The following EMP2 variants were observed in gnomAD, a reference collection of about 807,000 sequenced individuals.
EMP2 encodes epithelial membrane protein 2.
In EMP2, 19 loss-of-function variants were observed where a neutral mutation model predicts 13.7. The ratio of observed to expected loss-of-function variants is 1.38; its 90% CI spans 0.97 to 2.03. The LOEUF (loss-of-function observed/expected upper bound fraction) is 2.03, where lower values mean the gene tolerates loss of function less well. Among genes scored for constraint, EMP2 ranks in the 30% most tolerant of loss-of-function variants. The pLI is 0.00. For missense variants in EMP2, 253 were observed against 220.7 expected, an observed-to-expected ratio of 1.15 and a Z score of -0.93; for synonymous variants, 97 against 84.7, an observed-to-expected ratio of 1.15 and a Z score of -0.80.
At position 10,533,244 on chromosome 16, in the gene EMP2, C is replaced by T. The variant is rs1596366635; in HGVS notation, c.317-152G>A. 14 of 775,072 alleles carry T rather than the reference C, an allele frequency of 1.8e-5. No homozygotes were observed. In the East Asian group the frequency reaches 4.0e-4, roughly 22 times the overall value. 48.0% of individuals were successfully genotyped at this position (775,072 alleles called of 1,614,324 possible). A position where few individuals can be genotyped will look rare whatever the true frequency, so the allele number is the denominator to read the frequency against. ...GTAGAGACAAGATTTTGCCATGTCACCCAGGCTGGTCTTGAACTCCTGAGC... is the reference window on the plus strand; with the variant it reads ...GTAGAGACAAGATTTTGCCATGTCATCCAGGCTGGTCTTGAACTCCTGAGC... On this transcript the variant is annotated intron_variant, in intron 4 of 4. Transcript: ENST00000359543.
intron 4 of EMP2, among the ~76,000 whole-genome samples, chr16:10,536,093 T>A (rs1292485722): frequency 6.6e-6 from 1 of 152,152 alleles, no homozygotes; most frequent in Non-Finnish European, 1.5e-5. Context: ...AACACTCTCA[T>A]TCTCCACCTG....
intron 2 of EMP2, chr16:10,547,278 A>T (rs867087803): frequency 7.2e-5 from 29 of 403,510 alleles, no homozygotes; most frequent in Middle Eastern, 7.1e-4. Flanking sequence ...GTCTCACGAG[A>T]TCTGACGGTT....
chr16:10,539,446 A>G (rs1212746767), intron 3 of EMP2, among the ~76,000 whole-genome samples: 3 of 152,118 alleles, frequency 2.0e-5, no homozygotes, highest in Non-Finnish European at 2.9e-5. Flanking sequence ...CGGCTCCCCC[A>G]CTATGACACA....
intron 1 of EMP2, among the ~76,000 whole-genome samples, chr16:10,568,137 G>C (rs1273127431): frequency 1.3e-5 from 2 of 152,188 alleles, no homozygotes; most frequent in East Asian, 3.9e-4. Flanking sequence ...GCAGGAAGTA[G>C]AAGGGCACAC....
rs1038788004 is a variant in EMP2 at position 10,529,166 on chromosome 16, C to T, written c.*3739G>A. The T allele has an allele frequency of 2.0e-5, 3 of 152,168 alleles. No individual in the cohort carries two copies. The highest frequency in any genetic ancestry group is 4.4e-5 in the Non-Finnish European group (3 of 68,034). 9.4% of individuals were successfully genotyped at this position (152,168 alleles called of 1,614,324 possible). ...GCCCCTCAATGAAAGAATTACAGTACTTTATAAAAATGTCATAAAATGCGC... is the reference window on the plus strand; with the variant it reads ...GCCCCTCAATGAAAGAATTACAGTATTTTATAAAAATGTCATAAAATGCGC... On this transcript the variant is annotated 3_prime_UTR_variant, in exon 5 of 5. Coordinates refer to ENST00000359543, the MANE Select transcript of EMP2 (RefSeq NM_001424.6).
chr16:10,549,909 A>G (rs1323970658), intron 1 of EMP2, among the ~76,000 whole-genome samples: 2 of 113,806 alleles, frequency 1.8e-5, no homozygotes, highest in East Asian at 4.6e-4. Context: ...TTTTTGAGAC[A>G]GAGTCTCACT....
intron 3 of EMP2, among the ~76,000 whole-genome samples, chr16:10,541,134 G>A (rs540293056): frequency 3.5e-4 from 53 of 152,070 alleles, no homozygotes; most frequent in African/African-American, 1.3e-3. Flanking sequence ...GAGTGCAGAG[G>A]CTCATGCCTA....
At chr16:10,566,018 G>A (rs2050904814) in intron 1 of EMP2, among the ~76,000 whole-genome samples, 1 of 152,172 alleles carries the variant, frequency 6.6e-6, no homozygotes. Context: ...GTGTGACCAT[G>A]AGAACACACC....
At chr16:10,543,691 G>C in intron 2 of EMP2, 31 bp from the exon 3 acceptor site, 364 of 1,598,692 alleles carry the variant, frequency 2.3e-4, no homozygotes, top group Non-Finnish European at 2.8e-4. Flanking sequence ...AGAGAGAAAG[G>C]CCGTCCGTTC....
chr16:10,550,598 C>G (rs1451380772), intron 1 of EMP2, among the ~76,000 whole-genome samples: 2 of 152,142 alleles, frequency 1.3e-5, no homozygotes, highest in African/African-American at 4.8e-5. Context: ...CCAGTTTGTC[C>G]CATCATTGGT....
At chr16:10,573,776 C>T (rs112621508) in intron 1 of EMP2, among the ~76,000 whole-genome samples, 5 of 152,226 alleles carry the variant, frequency 3.3e-5, no homozygotes, top group African/African-American at 4.8e-5. Flanking sequence ...CATTGTTCCT[C>T]GTATAAACAT....
chr16:10,560,645 C>T (rs191968748), intron 1 of EMP2, among the ~76,000 whole-genome samples: 33 of 152,236 alleles, frequency 2.2e-4, no homozygotes, highest in East Asian at 1.4e-3. Flanking sequence ...TGTAAACGGA[C>T]GGATATGACG....
intron 3 of EMP2, among the ~76,000 whole-genome samples, chr16:10,540,234 G>A (rs1320414014): frequency 2.6e-5 from 4 of 152,174 alleles, no homozygotes; most frequent in Non-Finnish European, 2.9e-5. Flanking sequence ...GGCTGGGCAT[G>A]GTGACTCACG....
At chr16:10,550,362 C>A (rs1381257830) in intron 1 of EMP2, among the ~76,000 whole-genome samples, 1 of 152,182 alleles carries the variant, frequency 6.6e-6, no homozygotes, top group Admixed American at 6.5e-5. Context: ...ACTGCATTTT[C>A]GTTTCAGGTC....
intron 1 of EMP2, among the ~76,000 whole-genome samples, chr16:10,573,406 A>G (rs1261898444): frequency 6.6e-6 from 1 of 152,174 alleles, no homozygotes; most frequent in Non-Finnish European, 1.5e-5. Context: ...GTTCATTGGC[A>G]TCTGCAATGT....
At chr16:10,541,599 C>T (rs963751586) in intron 3 of EMP2, among the ~76,000 whole-genome samples, 1 of 152,176 alleles carries the variant, frequency 6.6e-6, no homozygotes, top group South Asian at 2.1e-4. Flanking sequence ...TCCCAGCTGG[C>T]CTTGCACACT....
intron 1 of EMP2, among the ~76,000 whole-genome samples, chr16:10,572,385 T>G (rs894528044): frequency 1.3e-5 from 2 of 151,804 alleles, no homozygotes; most frequent in Admixed American, 1.3e-4. Context: ...TGTTCGCGGC[T>G]GCCGTGAGCT....
chr16:10,569,508 G>C (rs1239753261), intron 1 of EMP2, among the ~76,000 whole-genome samples: 3 of 151,850 alleles, frequency 2.0e-5, no homozygotes, highest in African/African-American at 7.3e-5. Flanking sequence ...TTGTACAGAT[G>C]GGGGTCTCCC....
intron 3 of EMP2, among the ~76,000 whole-genome samples, chr16:10,540,621 T>C (rs2050688309): frequency 6.6e-6 from 1 of 152,132 alleles, no homozygotes; most frequent in South Asian, 2.1e-4. Flanking sequence ...TCTGGGTGTT[T>C]GGGGTTGTTT....
Sources: gnomAD v4.1 joint callset for allele counts (sites outside exome capture counted in the v4.1 genomes callset) on GRCh38, gnomAD v4.1.1 for gene constraint, MANE v1.5 for transcripts, NCBI Gene and HGNC (gene_info 2026-07-23, HGNC 2026-07-21) for gene names.